ANLN: variants seen among roughly 807,000 people sequenced by gnomAD.
ANLN encodes anillin, actin binding protein, also known as anillin.
ANLN carries 59 observed loss-of-function variants against 135.1 expected under a neutral mutation model. The ratio of observed to expected loss-of-function variants is 0.44; its 90% CI spans 0.35 to 0.54. The LOEUF is 0.54. Among genes scored for constraint, ANLN ranks in the 20% least tolerant of loss-of-function variants. ANLN has a pLI of 0.00. For synonymous variants in ANLN, 406 were observed against 456.4 expected, an observed-to-expected ratio of 0.89 and a Z score of 1.41; for missense variants, 1,182 against 1,340.0, an observed-to-expected ratio of 0.88 and a Z score of 1.84.
At chr7:36,394,365 C>T (rs1035853622) in intron 1 of ANLN, among the ~76,000 whole-genome samples, 3 of 152,022 alleles carry the variant, frequency 2.0e-5, no homozygotes, top group East Asian at 1.9e-4. Context: ...TCTGGGGTCC[C>T]CTTCATCAAG....
chr7:36,441,909 A>C (rs1042673886), intron 21 of ANLN, among the ~76,000 whole-genome samples: 5 of 152,216 alleles, frequency 3.3e-5, no homozygotes, highest in African/African-American at 1.2e-4. Context: ...AGCTGTAAGC[A>C]GTGTTGCCTA....
At chr7:36,404,507 G>A (rs566081344) in intron 3 of ANLN, among the ~76,000 whole-genome samples, 75 of 152,244 alleles carry the variant, frequency 4.9e-4, no homozygotes, top group African/African-American at 1.5e-3. Flanking sequence ...TTTGAGGTAC[G>A]ACAGCAAAAC....
chr7:36,399,364 G>A lies in ANLN; in HGVS notation c.458G>A (p.Arg153Gln), dbSNP rs576328951. 10 of 1,612,534 alleles carry A rather than the reference G, an allele frequency of 6.2e-6. No homozygotes were observed. Among genetic ancestry groups the A allele is most frequent in the East Asian group, 4.5e-5 (2 of 44,862 alleles). ...CGTATGCAAAAACTTGCAGAGCAAC[G>A]GCGCCGTTGGGATAATGATGATATG... Reference protein sequence around the residue: ...KTRMQKLAEQRRRWDNDDMTD... With the variant: ...KTRMQKLAEQQRRWDNDDMTD... The change falls in exon 3 of 24, where the codon CGG becomes CAG. Residue 153 changes from arginine (R) to glutamine (Q), a missense_variant. Around this residue, in one of 3 missense-constraint regions of ANLN, gnomAD observed 1,022 missense variants for 1,134.0 expected, o/e 0.90. Transcript: ENST00000265748.
intron 20 of ANLN, chr7:36,428,408 C>G: frequency 9.2e-7 from 1 of 1,085,430 alleles, no homozygotes; most frequent in Non-Finnish European, 1.2e-6. Context: ...AAAAATCAAT[C>G]CTTAATTTTT....
chr7:36,447,190 T>C (rs1789039520), intron 22 of ANLN, among the ~76,000 whole-genome samples: 1 of 152,226 alleles, frequency 6.6e-6, no homozygotes, highest in Non-Finnish European at 1.5e-5. Context: ...GAATTTCTTT[T>C]TCTTTCCTCA....
Position 36,449,749 on chromosome 7 carries a change from A to T in ANLN, c.3163A>T (p.Thr1055Ser), listed in dbSNP as rs756191517. 1 of 1,614,152 alleles carries T rather than the reference A, an allele frequency of 6.2e-7. No homozygotes were observed. The highest frequency in any genetic ancestry group is 8.5e-7 in the Non-Finnish European group (1 of 1,180,006). The change falls in exon 23 of 24, where the codon ACT becomes TCT. Residue 1055 changes from threonine to serine, a missense_variant. By Grantham distance (58) the Thr-to-Ser change is moderately conservative (BLOSUM62 1). Coordinates refer to ENST00000265748, the MANE Select transcript of ANLN (RefSeq NM_018685.5). ...CAGAGAATTTTGTGCAAGACGCAAC[A>T]CTTTTGAATTAATTACTGTCCGACC... ...ANREFCARRNTFELITVRPQR... is the reference protein window; with the variant it reads ...ANREFCARRNSFELITVRPQR...
Position 36,406,367 on chromosome 7 carries a change from G to T in ANLN, c.674G>T (p.Ser225Ile). ...AATCACTCATTTGCAAAACAAAACA[G>T]TGTACAAGAACAGCCTGGTACCGCT... ...DVNHSFAKQN[S>I]VQEQPGTACL... Residue 225 changes from serine (S) to isoleucine (I), a missense_variant, in exon 4 of 24, where the codon AGT becomes ATT. By Grantham distance (142) the Ser-to-Ile change is moderately radical. This residue lies in a region of ANLN where 1,022 missense variants were observed against 1,134.0 expected (regional missense o/e 0.90). Coordinates refer to ENST00000265748, the MANE Select transcript of ANLN (RefSeq NM_018685.5). The T allele has an allele frequency of 1.2e-6, 2 of 1,614,124 alleles. No homozygotes were observed. Among genetic ancestry groups the T allele is most frequent in the Non-Finnish European group, 1.7e-6 (2 of 1,179,958 alleles).
At chr7:36,398,152 T>C (rs1363382936) in intron 2 of ANLN, among the ~76,000 whole-genome samples, 3 of 151,048 alleles carry the variant, frequency 2.0e-5, no homozygotes, top group Admixed American at 6.7e-5. Flanking sequence ...AGAAATAATA[T>C]GCCTTATGGT....
intron 11 of ANLN, 135 bp downstream of exon 11, chr7:36,420,449 CTCTT>C: frequency 7.7e-7 from 1 of 1,305,548 alleles, no homozygotes; most frequent in East Asian, 2.4e-5. Flanking sequence ...TTGTTAGCCT[CTCTT>C]TCACCAAATG....
intron 1 of ANLN, among the ~76,000 whole-genome samples, chr7:36,391,532 A>G (rs1286077608): frequency 6.6e-6 from 1 of 152,238 alleles, no homozygotes; most frequent in African/African-American, 2.4e-5. Context: ...TTGGAAAAAC[A>G]GCTTAGACGT....
At chr7:36,412,306 A>AATATATATATATATATATAT (rs60215077) in intron 7 of ANLN, among the ~76,000 whole-genome samples, 2 of 102,678 alleles carry the variant, frequency 1.9e-5, no homozygotes, top group African/African-American at 7.3e-5. Flanking sequence ...CTGCCAGAGA[A>AATATATATATATATATATAT]ATATATATAT....
At chr7:36,429,004 C>T (rs1449839048) in intron 20 of ANLN, among the ~76,000 whole-genome samples, 1 of 151,920 alleles carries the variant, frequency 6.6e-6, no homozygotes, top group Non-Finnish European at 1.5e-5. Context: ...GTCTCGTGCT[C>T]CTGACCTCAA....
Position 36,399,497 on chromosome 7 carries a change from G to T in ANLN, c.487+104G>T. The T allele has an allele frequency of 1.2e-5, 13 of 1,056,498 alleles. No individual in the cohort carries two copies. In the South Asian group the frequency reaches 2.1e-4, roughly 17 times the overall value. The allele number at this position is 1,056,498 out of a possible 1,614,324, so 65.4% of individuals were successfully genotyped here. Reference sequence around the variant, plus strand: ...TAACTCATGAAAAATAAATGCTTTTGTTTTATCTATATGTTGAGTATCCTT... The same window carrying T: ...TAACTCATGAAAAATAAATGCTTTTTTTTTATCTATATGTTGAGTATCCTT... On this transcript the variant is annotated intron_variant, in intron 3 of 23. Coordinates refer to ENST00000265748, the MANE Select transcript of ANLN (RefSeq NM_018685.5).
At chr7:36,428,776 A>ATTTT (rs35428425) in intron 20 of ANLN, among the ~76,000 whole-genome samples, 2,373 of 114,540 alleles carry the variant, frequency 0.021, 42 homozygotes, top group Middle Eastern at 0.052. Flanking sequence ...ATAAAAGCAG[A>ATTTT]TTTTTTTTTT....
Position 36,432,961 on chromosome 7 carries a change from G to C in ANLN, c.2883+5933G>C, listed in dbSNP as rs371885376. Among the ~76,000 whole-genome samples the C allele has an allele frequency of 3.3e-5, 5 of 152,158 alleles. No individual in the cohort carries two copies. The South Asian group carries it at 1.0e-3, about 32-fold the overall frequency. ...TTTGTTATAAACCACACAATGCACT[G>C]TTGTTACTTTTTCTTTAATCAGTTT... On this transcript the variant is annotated intron_variant, in intron 20 of 23. Transcript: ENST00000265748.
At chr7:36,427,455 C>T (rs1242556188) in intron 20 of ANLN, among the ~76,000 whole-genome samples, 5 of 151,884 alleles carry the variant, frequency 3.3e-5, no homozygotes, top group South Asian at 2.1e-4. Context: ...CTCAGCCTCG[C>T]GGGCTCCCAC....
intron 5 of ANLN, 31 bp from the exon 6 acceptor site, chr7:36,410,483 T>G: frequency 6.5e-7 from 1 of 1,532,212 alleles, no homozygotes. Context: ...TTATTTTGAA[T>G]AGCCTCCAAA....
At chr7:36,414,922 T>C (rs1787578718) in intron 7 of ANLN, among the ~76,000 whole-genome samples, 1 of 152,204 alleles carries the variant, frequency 6.6e-6, no homozygotes. Context: ...ATGGAGATAC[T>C]AGTACCTAAC....
chr7:36,400,098 A>C (rs928489374), intron 3 of ANLN, among the ~76,000 whole-genome samples: 1 of 152,220 alleles, frequency 6.6e-6, no homozygotes, highest in Admixed American at 6.5e-5. Context: ...AGTGAAAAGT[A>C]AAGTCATTTT....
Sources: allele counts gnomAD v4.1 joint callset (sites outside exome capture counted in the v4.1 genomes callset), GRCh38; gene constraint gnomAD v4.1.1; regional missense constraint gnomAD v4.1.1; transcripts MANE v1.5; gene names NCBI Gene and HGNC (gene_info 2026-07-23, HGNC 2026-07-21).